Variants in CADM2 observed in about 807,000 individuals in gnomAD.
CADM2 encodes immunoglobulin superfamily member 4D.
A neutral mutation model predicts 49.8 loss-of-function variants in CADM2; 12 were observed. The observed-to-expected ratio is 0.24, with a 90% CI of 0.15 to 0.39. CADM2 has a LOEUF of 0.39. CADM2 is among the 10% of genes least tolerant of loss of function. CADM2 has a pLI of 1.00. For missense variants in CADM2, 378 were observed against 492.3 expected (o/e 0.77, Z 2.20); for synonymous variants, 214 against 175.4 (o/e 1.22, Z -1.74).
At chr3:85,141,990 C>G (rs1250454569) in intron 1 of CADM2, among the ~76,000 whole-genome samples, 2 of 152,132 alleles carry the variant, frequency 1.3e-5, no homozygotes, top group African/African-American at 4.8e-5. Flanking sequence ...TGACACTTCA[C>G]CATGTGTGGT....
intron 1 of CADM2, among the ~76,000 whole-genome samples, chr3:85,565,857 C>G (rs1327150345): frequency 6.7e-6 from 1 of 148,472 alleles, no homozygotes; most frequent in African/African-American, 2.4e-5. Flanking sequence ...ACTCCTAAAC[C>G]CTTCCATCGT....
At chr3:85,966,807 A>T (rs1725530563) in intron 8 of CADM2, among the ~76,000 whole-genome samples, 1 of 151,692 alleles carries the variant, frequency 6.6e-6, no homozygotes, top group Non-Finnish European at 1.5e-5. Flanking sequence ...TTAAACAGTG[A>T]TGGAAATATG....
At chr3:85,433,407 C>A (rs918670442) in intron 1 of CADM2, among the ~76,000 whole-genome samples, 48 of 151,810 alleles carry the variant, frequency 3.2e-4, no homozygotes, top group Non-Finnish European at 5.6e-4. Flanking sequence ...GCTAAAATTA[C>A]TTTTTTTTCC....
intron 3 of CADM2, among the ~76,000 whole-genome samples, chr3:85,850,004 A>T (rs2075033898): frequency 6.6e-6 from 1 of 152,198 alleles, no homozygotes; most frequent in Admixed American, 6.5e-5. Flanking sequence ...AGAATAAAAG[A>T]ATTGGTAAAA....
At chr3:85,273,589 C>T (rs2043293794) in intron 1 of CADM2, among the ~76,000 whole-genome samples, 1 of 151,068 alleles carries the variant, frequency 6.6e-6, no homozygotes, top group Admixed American at 6.6e-5. Context: ...AAGGAGGACC[C>T]CCCCCAAATT....
At chr3:86,062,215 GTC>G (rs1479448704) in intron 8 of CADM2, among the ~76,000 whole-genome samples, 1 of 152,070 alleles carries the variant, frequency 6.6e-6, no homozygotes, top group African/African-American at 2.4e-5. Context: ...ATTTATGACT[GTC>G]TGTTTATGAA....
At chr3:85,386,918 T>C (rs1457818789) in intron 1 of CADM2, among the ~76,000 whole-genome samples, 1 of 152,128 alleles carries the variant, frequency 6.6e-6, no homozygotes, top group Non-Finnish European at 1.5e-5. Context: ...ATAGGTGGAA[T>C]AAAAATCATT....
intron 3 of CADM2, among the ~76,000 whole-genome samples, chr3:85,836,567 A>T (rs1159175455): frequency 6.6e-6 from 1 of 151,544 alleles, no homozygotes; most frequent in Admixed American, 6.6e-5. Context: ...ATATGACAAA[A>T]AGGGCCTTGA....
chr3:85,981,513 C>A (rs1727486453), intron 8 of CADM2, among the ~76,000 whole-genome samples: 1 of 151,578 alleles, frequency 6.6e-6, no homozygotes, highest in Admixed American at 6.6e-5. Context: ...CCTGGACCCT[C>A]CCATCCTCAA....
At chr3:86,032,879 C>A (rs1734716894) in intron 8 of CADM2, among the ~76,000 whole-genome samples, 1 of 151,818 alleles carries the variant, frequency 6.6e-6, no homozygotes, top group Non-Finnish European at 1.5e-5. Flanking sequence ...CTTTCTCATT[C>A]TCTACAGATT....
chr3:85,552,702 A>G (rs957299463), intron 1 of CADM2, among the ~76,000 whole-genome samples: 1 of 139,130 alleles, frequency 7.2e-6, no homozygotes, highest in African/African-American at 2.7e-5. Flanking sequence ...TCTGAGACAG[A>G]GCCTCACTCT....
intron 6 of CADM2, among the ~76,000 whole-genome samples, chr3:85,914,331 G>T (rs1559739081): frequency 6.6e-6 from 1 of 152,066 alleles, no homozygotes; most frequent in Non-Finnish European, 1.5e-5. Flanking sequence ...GTGAGGATGT[G>T]ATGATAGGCT....
intron 1 of CADM2, among the ~76,000 whole-genome samples, chr3:85,283,281 T>A (rs1679219478): frequency 1.3e-5 from 2 of 151,858 alleles, no homozygotes; most frequent in Admixed American, 6.6e-5. Context: ...CATTATCATG[T>A]TTATTAATAT....
chr3:86,043,174 C>G (rs1351112629), intron 8 of CADM2, among the ~76,000 whole-genome samples: 3 of 152,158 alleles, frequency 2.0e-5, no homozygotes, highest in African/African-American at 4.8e-5. Flanking sequence ...TGGCACAAGA[C>G]AGGGATGCCT....
At chr3:85,917,381 C>G (rs1718492714) in intron 6 of CADM2, among the ~76,000 whole-genome samples, 1 of 152,118 alleles carries the variant, frequency 6.6e-6, no homozygotes, top group African/African-American at 2.4e-5. Context: ...CAGCTTTCTA[C>G]ATATGGCTAG....
At position 86,070,708 on chromosome 3, in the gene CADM2, T is replaced by C. The variant is rs1399241082; in HGVS notation, c.*3925T>C. The C allele has an allele frequency of 6.6e-6, 1 of 151,886 alleles. No homozygotes were observed. Among genetic ancestry groups the C allele is most frequent in the Non-Finnish European group, 1.5e-5 (1 of 67,826 alleles). The allele number at this position is 151,886 out of a possible 1,614,324, so 9.4% of individuals were successfully genotyped here. On this transcript the variant is annotated 3_prime_UTR_variant, in exon 10 of 10. Coordinates refer to ENST00000383699, the MANE Select transcript of CADM2 (RefSeq NM_001167675.2). Reference sequence around the variant, plus strand: ...ATTACTGTTGAGTAATGCTTTTTATTAAGTGGCACAAAGTACACACTAAAA... The same window carrying C: ...ATTACTGTTGAGTAATGCTTTTTATCAAGTGGCACAAAGTACACACTAAAA...
intron 1 of CADM2, among the ~76,000 whole-genome samples, chr3:85,252,367 G>A (rs1202135869): frequency 6.6e-6 from 1 of 151,870 alleles, no homozygotes; most frequent in Non-Finnish European, 1.5e-5. Flanking sequence ...AAATGATGAA[G>A]GAGTGAGAAT....
chr3:85,431,173 G>A (rs2036645267), intron 1 of CADM2, among the ~76,000 whole-genome samples: 1 of 152,074 alleles, frequency 6.6e-6, no homozygotes, highest in Non-Finnish European at 1.5e-5. Context: ...GTACCTAGAA[G>A]CAATAGGCTA....
At chr3:85,659,140 C>CAA (rs1559575817) in intron 1 of CADM2, among the ~76,000 whole-genome samples, 1 of 150,914 alleles carries the variant, frequency 6.6e-6, no homozygotes, top group African/African-American at 2.4e-5. Context: ...GTCCAAGCAC[C>CAA]GTGGAGGATA....
Sources: allele counts gnomAD v4.1 joint callset (sites outside exome capture counted in the v4.1 genomes callset), GRCh38; gene constraint gnomAD v4.1.1; transcripts MANE v1.5; gene names NCBI Gene and HGNC (gene_info 2026-07-23, HGNC 2026-07-21).